Variants in CELF4 observed in about 807,000 individuals in gnomAD.
CELF4 encodes CUG-BP- and ETR-3-like factor 4.
In CELF4, 18 loss-of-function variants were observed where a neutral mutation model predicts 59.9. That is an observed-to-expected ratio of 0.30 (90% CI 0.21 to 0.45). CELF4 has a LOEUF of 0.45. Among genes scored for constraint, CELF4 ranks in the 20% least tolerant of loss-of-function variants. The pLI is 1.00. For synonymous variants in CELF4, 261 were observed against 267.1 expected (o/e 0.98, Z 0.22); for missense variants, 456 against 689.0 (o/e 0.66, Z 3.79).
At chr18:37,374,681 C>T (rs979068988) in intron 2 of CELF4, among the ~76,000 whole-genome samples, 4 of 152,162 alleles carry the variant, frequency 2.6e-5, no homozygotes, top group African/African-American at 7.2e-5. Context: ...ATGGAAAAGC[C>T]TTAGGAAGAC....
intron 2 of CELF4, among the ~76,000 whole-genome samples, chr18:37,426,627 C>T (rs1211295564): frequency 6.6e-6 from 1 of 152,184 alleles, no homozygotes; most frequent in Non-Finnish European, 1.5e-5. Context: ...TCTGCACCAG[C>T]CTCCTTCTTC....
rs919726878 is a variant in CELF4, at chr18:37,463,801, C to T, written c.369+21724G>A. ...AGGCCCTCTAAACACTCCTGTCAACCTGGAGGTTTTTTTTCTTACCTTTGT... is the reference window on the plus strand; with the variant it reads ...AGGCCCTCTAAACACTCCTGTCAACTTGGAGGTTTTTTTTCTTACCTTTGT... On this transcript the variant is annotated intron_variant, in intron 2 of 12. Transcript: ENST00000420428. Among the ~76,000 whole-genome samples the T allele has an allele frequency of 6.6e-5, 10 of 152,210 alleles. No homozygotes were observed. In the East Asian group the frequency reaches 1.5e-3, roughly 23 times the overall value.
intron 3 of CELF4, among the ~76,000 whole-genome samples, chr18:37,298,742 A>AT (rs1182167378): frequency 3.4e-5 from 5 of 148,102 alleles, no homozygotes. Flanking sequence ...AAAAAAAAAA[A>AT]TCCAGTCTTA....
At chr18:37,383,881 A>G (rs2154570661) in intron 2 of CELF4, among the ~76,000 whole-genome samples, 1 of 152,238 alleles carries the variant, frequency 6.6e-6, no homozygotes, top group East Asian at 1.9e-4. Context: ...GCAGACCCTC[A>G]GCGATTGGAA....
In CELF4 at chr18:37,259,212, G is replaced by A. The variant is rs201310208; in HGVS notation, c.1302C>T (p.Asp434=). The A allele has an allele frequency of 5.0e-5, 73 of 1,470,028 alleles. No individual in the cohort carries two copies. The highest frequency in any genetic ancestry group is 2.1e-4 in the South Asian group (19 of 89,372). The allele number at this position is 1,470,028 out of a possible 1,614,324, so 91.1% of individuals were successfully genotyped here. A position where few individuals can be genotyped will look rare whatever the true frequency, so the allele number is the denominator to read the frequency against. ...GGAGGAACATCTGCATCAGCTCAGC[G>A]TCCCCAAACTCCTGGGGCAGATGGT... ...FIYHLPQEFG[D]AELMQMFLPF... The change falls in exon 11 of 13, where the codon GAC becomes GAT. Residue 434 remains aspartate, a synonymous_variant. Coordinates refer to ENST00000420428, the MANE Select transcript of CELF4 (RefSeq NM_020180.4).
intron 4 of CELF4, 51 bp from the exon 5 acceptor site, chr18:37,274,935 G>A: frequency 6.3e-7 from 1 of 1,586,782 alleles, no homozygotes; most frequent in Non-Finnish European, 8.6e-7. Context: ...GGCCAGGGAG[G>A]GGCCGGGAGG....
intron 11 of CELF4, chr18:37,258,916 G>A (rs1417247383): frequency 1.1e-5 from 6 of 537,960 alleles, no homozygotes; most frequent in Non-Finnish European, 1.6e-5. Context: ...TGGGAGATGG[G>A]GAGCCAGGTT....
intron 1 of CELF4, among the ~76,000 whole-genome samples, chr18:37,554,719 C>T (rs1462215220): frequency 1.3e-5 from 2 of 152,150 alleles, no homozygotes; most frequent in African/African-American, 2.4e-5. Context: ...TGAGGAGCGC[C>T]CAGACACGGG....
chr18:37,542,822 T>C (rs1011002834), intron 1 of CELF4, among the ~76,000 whole-genome samples: 1 of 152,202 alleles, frequency 6.6e-6, no homozygotes, highest in Non-Finnish European at 1.5e-5. Context: ...ATTCTTGACT[T>C]ACAGGTTAGG....
chr18:37,562,366 T>C (rs2099986804), intron 1 of CELF4, among the ~76,000 whole-genome samples: 1 of 86,748 alleles, frequency 1.2e-5, no homozygotes, highest in African/African-American at 3.9e-5. Context: ...TTTTTACTTC[T>C]TTTCCTTTTC....
At chr18:37,375,746 G>A (rs780818801) in intron 2 of CELF4, among the ~76,000 whole-genome samples, 1 of 152,156 alleles carries the variant, frequency 6.6e-6, no homozygotes, top group Non-Finnish European at 1.5e-5. Flanking sequence ...GCCTGAGTGT[G>A]TGGGATGCAG....
intron 3 of CELF4, among the ~76,000 whole-genome samples, chr18:37,320,108 C>G (rs531074847): frequency 3.3e-5 from 5 of 152,126 alleles, no homozygotes; most frequent in African/African-American, 1.2e-4. Flanking sequence ...GAGGCCGAGG[C>G]GGGCAGATCA....
At chr18:37,411,489 G>A (rs1172014603) in intron 2 of CELF4, among the ~76,000 whole-genome samples, 1 of 152,128 alleles carries the variant, frequency 6.6e-6, no homozygotes, top group Non-Finnish European at 1.5e-5. Flanking sequence ...ATAGGGTCTG[G>A]CTTTGACCAA....
intron 2 of CELF4, among the ~76,000 whole-genome samples, chr18:37,380,267 T>C (rs552319939): frequency 1.3e-5 from 2 of 152,254 alleles, no homozygotes; most frequent in South Asian, 4.2e-4. Flanking sequence ...ACTTTATCTG[T>C]CACTGTCCCT....
At chr18:37,386,386 G>A (rs887483369) in intron 2 of CELF4, among the ~76,000 whole-genome samples, 2 of 152,226 alleles carry the variant, frequency 1.3e-5, no homozygotes, top group African/African-American at 2.4e-5. Context: ...AGGAGGCTGA[G>A]CGAGGATACC....
chr18:37,272,813 A>G (rs995570116), intron 7 of CELF4, among the ~76,000 whole-genome samples: 1 of 152,240 alleles, frequency 6.6e-6, no homozygotes, highest in Admixed American at 6.5e-5. Flanking sequence ...GGTAGACTGC[A>G]TGGGTCCCAT....
At chr18:37,272,989 A>C (rs1601665594) in intron 7 of CELF4, 27 bp downstream of exon 7, 1 of 1,593,284 alleles carries the variant, frequency 6.3e-7, no homozygotes. Flanking sequence ...ACCGGGCCAG[A>C]CCGCGTGTTG....
At chr18:37,454,610 A>G (rs980323160) in intron 2 of CELF4, among the ~76,000 whole-genome samples, 2 of 152,120 alleles carry the variant, frequency 1.3e-5, no homozygotes, top group Admixed American at 6.5e-5. Flanking sequence ...AACCATGCTG[A>G]TATGTGATGG....
chr18:37,342,013 C>T (rs1433451104), intron 2 of CELF4, among the ~76,000 whole-genome samples: 1 of 152,042 alleles, frequency 6.6e-6, no homozygotes, highest in Non-Finnish European at 1.5e-5. Flanking sequence ...GTCTGTGGTG[C>T]TTGGTGTTGT....
Sources: allele counts gnomAD v4.1 joint callset (sites outside exome capture counted in the v4.1 genomes callset), GRCh38; gene constraint gnomAD v4.1.1; transcripts MANE v1.5; gene names NCBI Gene and HGNC (gene_info 2026-07-23, HGNC 2026-07-21).